Variants in RGS8 observed in about 807,000 individuals in gnomAD.
RGS8 encodes the protein regulator of G protein signaling 8.
Under a neutral mutation model 21.7 loss-of-function variants are expected in RGS8, and 8 were observed. The observed-to-expected ratio is 0.37, with a 90% CI of 0.22 to 0.66. RGS8 has a LOEUF of 0.66. Among genes scored for constraint, RGS8 ranks in the 30% least tolerant of loss-of-function variants. RGS8 has a pLI of 0.59. For synonymous variants in RGS8, 80 were observed against 83.6 expected, an observed-to-expected ratio of 0.96 and a Z score of 0.24; for missense variants, 157 against 217.9, an observed-to-expected ratio of 0.72 and a Z score of 1.76.
the RGS8 span, among the ~76,000 whole-genome samples, chr1:182,718,257 C>T: frequency 6.6e-6 from 1 of 152,180 alleles, no homozygotes; most frequent in African/African-American, 2.4e-5. Flanking sequence ...GCAGGTCCTG[C>T]AACCACAGAC....
chr1:182,737,943 T>G, the RGS8 span, among the ~76,000 whole-genome samples: 1 of 152,196 alleles, frequency 6.6e-6, no homozygotes, highest in Non-Finnish European at 1.5e-5. Context: ...TGCAACCCAA[T>G]TGAAGCCCTG....
the RGS8 span, among the ~76,000 whole-genome samples, chr1:182,751,072 A>T: frequency 2.0e-5 from 3 of 152,222 alleles, no homozygotes; most frequent in African/African-American, 7.2e-5. Flanking sequence ...AAAATGAAAG[A>T]ACTTGTTTGG....
At chr1:182,643,323 G>GGCCCCC (rs1553214908), downstream of RGS8, 1 of 31,514 alleles carries the variant, frequency 3.2e-5, no homozygotes, top group African/African-American at 1.3e-4. Context: ...CCCTCCCCCA[G>GGCCCCC]CCCCCCCGCC....
In RGS8 at chr1:182,646,922, A is replaced by G; in HGVS notation, c.361-5T>C. On this transcript the variant is annotated splice_polypyrimidine_tract_variant and splice_region_variant and intron_variant, in intron 6 of 6. Coordinates refer to ENST00000483095, the Ensembl canonical transcript of RGS8. ...GGTCTGGAAGTCAATGTTTACCTAG[A>G]GATACAAACAGAGAGCAAGGTCACA... is the stretch of plus-strand genomic sequence containing the variant. 6.2e-7 allele frequency: 1 copy of G among 1,610,996 alleles called. No homozygotes were observed. Among genetic ancestry groups the G allele is most frequent in the South Asian group, 1.1e-5 (1 of 90,504 alleles).
At chr1:182,689,272 C>CACAG (rs1664772038), upstream of RGS8, among the ~76,000 whole-genome samples, 1 of 129,630 alleles carries the variant, frequency 7.7e-6, no homozygotes, top group Non-Finnish European at 1.6e-5. Flanking sequence ...CAGACACACA[C>CACAG]ACACACACAC....
chr1:182,672,038 T>A, upstream of RGS8: 1 of 585,072 alleles, frequency 1.7e-6, no homozygotes. Context: ...CTCACTAACC[T>A]GAAGCTCCTC....
At chr1:182,700,151 C>T in the RGS8 span, among the ~76,000 whole-genome samples, 1 of 152,108 alleles carries the variant, frequency 6.6e-6, no homozygotes, top group Non-Finnish European at 1.5e-5. Context: ...TCCCAATTCT[C>T]GGCTCCGGCG....
chr1:182,728,867 G>T, the RGS8 span, among the ~76,000 whole-genome samples: 1 of 152,126 alleles, frequency 6.6e-6, no homozygotes, highest in Non-Finnish European at 1.5e-5. Context: ...ACTTAAAGAT[G>T]GTTGTCTCTG....
At chr1:182,709,636 C>T in the RGS8 span, among the ~76,000 whole-genome samples, 1 of 152,180 alleles carries the variant, frequency 6.6e-6, no homozygotes, top group Non-Finnish European at 1.5e-5. Context: ...ATCTCATCGG[C>T]ACTCCCCTGC....
chr1:182,721,048 T>TGTGTATATATAC, the RGS8 span, among the ~76,000 whole-genome samples: 1 of 70,754 alleles, frequency 1.4e-5, no homozygotes, highest in East Asian at 4.2e-4. Context: ...TACATATACA[T>TGTGTATATATAC]ACATATATAT....
downstream of RGS8, chr1:182,644,080 G>A (rs1178180337): frequency 5.2e-5 from 8 of 152,498 alleles, no homozygotes; most frequent in Admixed American, 1.3e-4. Context: ...GAGGCAATGG[G>A]AGAGAGGGCA....
chr1:182,728,226 G>C, the RGS8 span, among the ~76,000 whole-genome samples: 16 of 152,108 alleles, frequency 1.1e-4, no homozygotes, highest in African/African-American at 3.4e-4. Context: ...GCATATTCTG[G>C]CTAAACATAA....
chr1:182,691,007 C>A, the RGS8 span, among the ~76,000 whole-genome samples: 1 of 152,176 alleles, frequency 6.6e-6, no homozygotes, highest in Non-Finnish European at 1.5e-5. Context: ...TTGATCCAGT[C>A]CCCTGTATTG....
the RGS8 span, among the ~76,000 whole-genome samples, chr1:182,721,108 T>TATATACAC: frequency 6.8e-6 from 1 of 147,564 alleles, no homozygotes; most frequent in African/African-American, 2.5e-5. Flanking sequence ...TATATATACA[T>TATATACAC]ATATATATGA....
chr1:182,746,785 CATTT>C, the RGS8 span, among the ~76,000 whole-genome samples: 2 of 152,142 alleles, frequency 1.3e-5, 1 homozygote, highest in South Asian at 4.1e-4. Context: ...TTTTCACATT[CATTT>C]GTCATCAAGG....
chr1:182,683,190 G>T (rs1664592895), intron 1 of RGS8, among the ~76,000 whole-genome samples: 1 of 152,170 alleles, frequency 6.6e-6, no homozygotes, highest in African/African-American at 2.4e-5. Context: ...CAGGAAACCT[G>T]CTCTAAGAAT....
intron 1 of RGS8, among the ~76,000 whole-genome samples, chr1:182,681,371 C>A (rs1664530328): frequency 6.6e-6 from 1 of 152,216 alleles, no homozygotes; most frequent in African/African-American, 2.4e-5. Flanking sequence ...CCATCAGAGT[C>A]TACAGCTGTG....
At chr1:182,658,981 C>T (rs1427529223) in intron 5 of RGS8, among the ~76,000 whole-genome samples, 3 of 152,162 alleles carry the variant, frequency 2.0e-5, no homozygotes, top group South Asian at 2.1e-4. Flanking sequence ...GTGTGATTAA[C>T]GTAATTTTCT....
chr1:182,716,222 T>A, the RGS8 span, among the ~76,000 whole-genome samples: 1 of 150,620 alleles, frequency 6.6e-6, no homozygotes, highest in Non-Finnish European at 1.5e-5. Flanking sequence ...ACCTCCCGGG[T>A]TCAAGCAATT....
Sources: allele counts gnomAD v4.1 joint callset (sites outside exome capture counted in the v4.1 genomes callset), GRCh38; gene constraint gnomAD v4.1.1; transcripts MANE v1.5; gene names NCBI Gene and HGNC (gene_info 2026-07-23, HGNC 2026-07-21).